ARHGEF12: variants seen among roughly 807,000 people sequenced by gnomAD.
The protein encoded by ARHGEF12 is Rho guanine nucleotide exchange factor 12.
ARHGEF12 carries 66 observed loss-of-function variants against 211.2 expected under a neutral mutation model. That is an observed-to-expected ratio of 0.31 (90% CI 0.26 to 0.38). The LOEUF (loss-of-function observed/expected upper bound fraction) is 0.38, where lower values mean the gene tolerates loss of function less well. Ranked by LOEUF, ARHGEF12 falls within the 10% of genes least tolerant of loss-of-function variation. The probability of loss-of-function intolerance (pLI) is 1.00; values close to 1 mark genes in which losing one functional copy is unlikely to be tolerated. For missense variants in ARHGEF12, 1,429 were observed against 1,869.5 expected (o/e 0.76, Z 4.34); for synonymous variants, 592 against 638.4 (o/e 0.93, Z 1.09).
chr11:120,436,125 A>G (rs1945686917), intron 11 of ARHGEF12, among the ~76,000 whole-genome samples: 1 of 151,364 alleles, frequency 6.6e-6, no homozygotes, highest in African/African-American at 2.4e-5. Flanking sequence ...AATATTTTGA[A>G]CTCATAGATT....
intron 1 of ARHGEF12, among the ~76,000 whole-genome samples, chr11:120,387,445 TG>T (rs1944071951): frequency 6.6e-6 from 1 of 152,114 alleles, no homozygotes; most frequent in Non-Finnish European, 1.5e-5. Context: ...ATAATAGACT[TG>T]TATAGTACAT....
intron 1 of ARHGEF12, among the ~76,000 whole-genome samples, chr11:120,388,809 T>C (rs756865600): frequency 3.3e-5 from 5 of 152,150 alleles, no homozygotes; most frequent in Non-Finnish European, 5.9e-5. Flanking sequence ...CTTTTAATTA[T>C]TGGGTTGTAA....
chr11:120,384,656 C>CT (rs1217320804), intron 1 of ARHGEF12, among the ~76,000 whole-genome samples: 3 of 152,130 alleles, frequency 2.0e-5, no homozygotes, highest in African/African-American at 7.2e-5. Flanking sequence ...GACATAATGC[C>CT]TAGGGCATAG....
intron 20 of ARHGEF12, chr11:120,448,715 T>G: frequency 3.6e-6 from 1 of 279,366 alleles, no homozygotes; most frequent in Non-Finnish European, 6.6e-6. Context: ...ATTATTTGTG[T>G]TTTTGTTTAG....
At chr11:120,459,468 A>G (rs951983106) in intron 26 of ARHGEF12, 148 bp downstream of exon 26, 9 of 848,690 alleles carry the variant, frequency 1.1e-5, no homozygotes, top group African/African-American at 6.9e-5. Context: ...TGGAACTTTG[A>G]CTAGATCCTT....
rs747285492 is a variant in ARHGEF12 at position 120,481,281 on chromosome 11, G to T, written c.4259G>T (p.Gly1420Val). 3 of 1,614,026 alleles carry T rather than the reference G, an allele frequency of 1.9e-6. No homozygotes were observed. In the South Asian group the frequency reaches 3.3e-5, roughly 18 times the overall value. ...RISGNYLILD[G>V]YDPVQESSTD... is the part of the protein sequence containing the mutation. The stretch of plus-strand genomic sequence containing the variant: ...ATAGGAAACTATTTGATCCTTGATG[G>T]CTATGACCCAGTGCAGGAGAGTTCC... Residue 1420 changes from glycine to valine, a missense_variant, in exon 39 of 41, where the codon GGC becomes GTC. Gly to Val is a moderately radical substitution (Grantham distance 109). Coordinates refer to ENST00000397843, the MANE Select transcript of ARHGEF12 (RefSeq NM_015313.3).
chr11:120,453,726 C>T (rs1445383035), intron 22 of ARHGEF12, among the ~76,000 whole-genome samples: 1 of 152,092 alleles, frequency 6.6e-6, no homozygotes, highest in Admixed American at 6.6e-5. Context: ...TCAAGAAAAA[C>T]AACAACAGAG....
At chr11:120,470,980 A>G (rs1946848373) in intron 30 of ARHGEF12, among the ~76,000 whole-genome samples, 1 of 152,326 alleles carries the variant, frequency 6.6e-6, no homozygotes, top group Non-Finnish European at 1.5e-5. Context: ...GACCCCTGGT[A>G]TAGATGAGCT....
In ARHGEF12 at chr11:120,448,477, A is replaced by G. The variant is rs893531196; in HGVS notation, c.1737+129A>G. The G allele has an allele frequency of 6.7e-5, 45 of 667,042 alleles. No homozygotes were observed. The Admixed American group carries it at 1.1e-3, about 17-fold the overall frequency. 41.3% of individuals were successfully genotyped at this position (667,042 alleles called of 1,614,324 possible). On this transcript the variant is annotated intron_variant, in intron 20 of 40. Coordinates refer to ENST00000397843, the MANE Select transcript of ARHGEF12 (RefSeq NM_015313.3). Reference sequence around the variant, plus strand: ...TGCTAGTCATACAAACATTTATAAGATACTGTCTCTGTTCTCAAGAAACTC... The same window carrying G: ...TGCTAGTCATACAAACATTTATAAGGTACTGTCTCTGTTCTCAAGAAACTC...
intron 1 of ARHGEF12, among the ~76,000 whole-genome samples, chr11:120,402,700 G>T (rs561547689): frequency 1.3e-5 from 2 of 152,090 alleles, no homozygotes; most frequent in African/African-American, 4.8e-5. Flanking sequence ...ATGAATTAAG[G>T]TTTGAGTGTG....
chr11:120,457,298 T>C (rs758127721), intron 23 of ARHGEF12, 48 bp downstream of exon 23: 46 of 1,599,480 alleles, frequency 2.9e-5, no homozygotes, highest in Non-Finnish European at 3.9e-5. Flanking sequence ...CTTAAAGTTT[T>C]TAAATTATAT....
intron 39 of ARHGEF12, 89 bp downstream of exon 39, chr11:120,481,665 TA>T: frequency 7.7e-7 from 1 of 1,305,350 alleles, no homozygotes; most frequent in South Asian, 1.3e-5. Context: ...CTGATGTCAA[TA>T]AACTTGTTCA....
intron 1 of ARHGEF12, among the ~76,000 whole-genome samples, chr11:120,395,309 A>G (rs1408851340): frequency 6.6e-6 from 1 of 152,136 alleles, no homozygotes; most frequent in East Asian, 1.9e-4. Flanking sequence ...TCACCTTACA[A>G]AAATCAGGCA....
At chr11:120,441,959 A>C in intron 14 of ARHGEF12, 142 bp downstream of exon 14, 1 of 905,158 alleles carries the variant, frequency 1.1e-6, no homozygotes, top group African/African-American at 1.7e-5. Context: ...TTAAAACATT[A>C]TTTTTAAAGA....
chr11:120,387,655 G>A (rs1464833294), intron 1 of ARHGEF12, among the ~76,000 whole-genome samples: 2 of 152,094 alleles, frequency 1.3e-5, no homozygotes, highest in East Asian at 3.9e-4. Context: ...ATTATTGGTA[G>A]TATAGAACTT....
chr11:120,394,197 G>GA (rs1255404056), intron 1 of ARHGEF12, among the ~76,000 whole-genome samples: 1 of 151,694 alleles, frequency 6.6e-6, no homozygotes, highest in Admixed American at 6.6e-5. Flanking sequence ...AGAAAAGAGA[G>GA]AAGGTCTAAA....
At chr11:120,376,082 T>A (rs1456144784) in intron 1 of ARHGEF12, among the ~76,000 whole-genome samples, 3 of 152,160 alleles carry the variant, frequency 2.0e-5, no homozygotes, top group Non-Finnish European at 4.4e-5. Context: ...ACCAAAATAA[T>A]GTTTATCAGA....
rs1384629627 is a variant in ARHGEF12 at position 120,477,299 on chromosome 11, C to T, written c.3446C>T (p.Pro1149Leu). ...CCAATTCCATTACCACAGTCAACACCTGGCGAGTGAGTGTTCCTTTGCATT... is the reference window on the plus strand; with the variant it reads ...CCAATTCCATTACCACAGTCAACACTTGGCGAGTGAGTGTTCCTTTGCATT... ...TKPIPLPQST[P>L]GEGDNDEEDP... The change falls in exon 35 of 41, where the codon CCT becomes CTT. Residue 1149 changes from proline to leucine, a missense_variant. Coordinates refer to ENST00000397843, the MANE Select transcript of ARHGEF12 (RefSeq NM_015313.3). 1 of 1,613,690 alleles carries T rather than the reference C, an allele frequency of 6.2e-7. No homozygotes were observed. Among genetic ancestry groups the T allele is most frequent in the South Asian group, 1.1e-5 (1 of 90,994 alleles).
chr11:120,361,175 C>T (rs146842745), intron 1 of ARHGEF12, among the ~76,000 whole-genome samples: 29 of 152,294 alleles, frequency 1.9e-4, no homozygotes, highest in African/African-American at 6.0e-4. Context: ...TAGCAGGGGT[C>T]CCCAACCCCT....
Sources: gnomAD v4.1 joint callset for allele counts (sites outside exome capture counted in the v4.1 genomes callset) on GRCh38, gnomAD v4.1.1 for gene constraint, MANE v1.5 for transcripts, NCBI Gene and HGNC (gene_info 2026-07-23, HGNC 2026-07-21) for gene names.